PCDH15: variants seen among roughly 807,000 people sequenced by gnomAD.
PCDH15 encodes the protein protocadherin related 15, also known as protocadherin-15.
Under a neutral mutation model 178.5 loss-of-function variants are expected in PCDH15, and 129 were observed. That is an observed-to-expected ratio of 0.72 (90% CI 0.63 to 0.84). The LOEUF (loss-of-function observed/expected upper bound fraction) is 0.84, where lower values mean the gene tolerates loss of function less well. Among genes scored for constraint, PCDH15 ranks in the 40% least tolerant of loss-of-function variants. The pLI is 0.00. For synonymous variants in PCDH15, 800 were observed against 732.0 expected (o/e 1.09, Z -1.50); for missense variants, 2,230 against 2,099.9 (o/e 1.06, Z -1.21).
intron 26 of PCDH15, among the ~76,000 whole-genome samples, chr10:53,881,952 A>C (rs1009754905): frequency 1.3e-5 from 2 of 151,382 alleles, no homozygotes; most frequent in Non-Finnish European, 2.9e-5. Flanking sequence ...TTTTGAGATA[A>C]TTTGGTAAAA....
intron 8 of PCDH15, among the ~76,000 whole-genome samples, chr10:54,299,273 CAGAG>C (rs1295274779): frequency 6.7e-6 from 1 of 149,094 alleles, no homozygotes; most frequent in Non-Finnish European, 1.5e-5. Flanking sequence ...GACAGAGAGA[CAGAG>C]AGTCAAAGAA....
intron 1 of PCDH15, among the ~76,000 whole-genome samples, chr10:54,787,747 C>T (rs1351680796): frequency 6.6e-6 from 1 of 151,896 alleles, no homozygotes; most frequent in Non-Finnish European, 1.5e-5. Context: ...ATTTTGAGGA[C>T]AGATTCAACT....
intron 1 of PCDH15, among the ~76,000 whole-genome samples, chr10:55,192,755 AC>A (rs1181058525): frequency 9.8e-5 from 14 of 142,196 alleles, no homozygotes; most frequent in African/African-American, 3.5e-4. Context: ...ATATATATAT[AC>A]ATATAGATAC....
chr10:54,945,889 A>C (rs915493800), intron 2 of PCDH15, among the ~76,000 whole-genome samples: 1 of 151,790 alleles, frequency 6.6e-6, no homozygotes, highest in Admixed American at 6.6e-5. Context: ...GTTGTAACAA[A>C]ATTTGTTGTA....
At position 54,236,927 on chromosome 10, in the gene PCDH15, T is replaced by G; in HGVS notation, c.881A>C (p.Glu294Ala). Reference sequence around the variant, plus strand: ...TGGCGTAACAATAATGGGGTTCAGTTCTTCCTGAAAAAAAAATTAAGAGAG... The same window carrying G: ...TGGCGTAACAATAATGGGGTTCAGTGCTTCCTGAAAAAAAAATTAAGAGAG... ...AAIPELRTPE[E>A]LNPIIVTPPI... The change falls in exon 9 of 38, where the codon GAA (glutamate) becomes GCA (alanine). Residue 294 changes from glutamate to alanine, a missense_variant. Coordinates refer to ENST00000644397, the MANE Select transcript of PCDH15 (RefSeq NM_001384140.1). The G allele has an allele frequency of 6.2e-7, 1 of 1,612,600 alleles. No homozygotes were observed. Among genetic ancestry groups the G allele is most frequent in the Non-Finnish European group, 8.5e-7 (1 of 1,178,728 alleles).
At chr10:54,412,380 A>G (rs1953665069) in intron 3 of PCDH15, among the ~76,000 whole-genome samples, 1 of 152,026 alleles carries the variant, frequency 6.6e-6, no homozygotes, top group African/African-American at 2.4e-5. Flanking sequence ...ATGTTTCACA[A>G]AAGAAGTTGA....
chr10:53,972,309 A>G (rs186256133), intron 21 of PCDH15, among the ~76,000 whole-genome samples: 1 of 143,192 alleles, frequency 7.0e-6, no homozygotes, highest in African/African-American at 2.6e-5. Context: ...AAAGACTTAG[A>G]TGTTAGACCT....
chr10:53,831,671 G>A (rs1425183671), intron 29 of PCDH15, 138 bp from the exon 30 acceptor site: 2 of 651,864 alleles, frequency 3.1e-6, no homozygotes, highest in Non-Finnish European at 5.2e-6. Flanking sequence ...TGAATAATAA[G>A]AAAAGCATAT....
intron 2 of PCDH15, among the ~76,000 whole-genome samples, chr10:55,568,526 C>A (rs1047109194): frequency 6.6e-6 from 1 of 151,304 alleles, no homozygotes; most frequent in Non-Finnish European, 1.5e-5. Flanking sequence ...TACCAAAATA[C>A]AAAATTGGAG....
intron 2 of PCDH15, among the ~76,000 whole-genome samples, chr10:55,541,672 C>A (rs1452982828): frequency 6.6e-6 from 1 of 151,884 alleles, no homozygotes; most frequent in African/African-American, 2.4e-5. Context: ...GAACTATCCA[C>A]AGGTTTTTTC....
At chr10:54,849,481 G>A (rs1036326780) in intron 3 of PCDH15, among the ~76,000 whole-genome samples, 4 of 152,038 alleles carry the variant, frequency 2.6e-5, no homozygotes, top group Admixed American at 6.6e-5. Flanking sequence ...CTGCTAAGTC[G>A]GCACTCATCT....
At chr10:55,486,539 A>C (rs1840302407) in intron 2 of PCDH15, among the ~76,000 whole-genome samples, 2 of 151,542 alleles carry the variant, frequency 1.3e-5, no homozygotes, top group Admixed American at 1.3e-4. Flanking sequence ...TTTTTTCTGG[A>C]GACATGAATT....
At chr10:54,239,255 T>C (rs1020907294) in intron 8 of PCDH15, among the ~76,000 whole-genome samples, 1 of 151,984 alleles carries the variant, frequency 6.6e-6, no homozygotes, top group African/African-American at 2.4e-5. Flanking sequence ...AAAATATTCT[T>C]TCTATAATAT....
At chr10:54,678,454 A>AT (rs1363747272) in intron 1 of PCDH15, among the ~76,000 whole-genome samples, 3 of 152,052 alleles carry the variant, frequency 2.0e-5, no homozygotes, top group Non-Finnish European at 4.4e-5. Context: ...TCTGATTATT[A>AT]TTTTTTATTT....
At position 55,228,687 on chromosome 10, in the gene PCDH15, T is replaced by C. The variant is rs576081249; in HGVS notation, c.-155-62036A>G. Among the ~76,000 whole-genome samples the C allele has an allele frequency of 1.3e-4, 20 of 152,100 alleles. No homozygotes were observed. In the East Asian group the frequency reaches 3.7e-3, roughly 28 times the overall value. ...CCAAGGTAAATTACCCTAGCAAATA[T>C]ACATTTGACACATCACATAATATTC... On this transcript the variant is annotated intron_variant, in intron 1 of 5. Coordinates refer to the PCDH15 transcript ENST00000458638.
At chr10:54,982,527 T>C (rs1332658874) in intron 2 of PCDH15, among the ~76,000 whole-genome samples, 1 of 152,174 alleles carries the variant, frequency 6.6e-6, no homozygotes, top group African/African-American at 2.4e-5. Flanking sequence ...AAACACAATT[T>C]ACTACTCATA....
chr10:55,013,629 C>T (rs1296425628), intron 2 of PCDH15, among the ~76,000 whole-genome samples: 1 of 152,016 alleles, frequency 6.6e-6, no homozygotes, highest in Non-Finnish European at 1.5e-5. Flanking sequence ...AATGTGCTTC[C>T]TTATATACCC....
intron 18 of PCDH15, among the ~76,000 whole-genome samples, chr10:54,057,608 G>C (rs7092287): frequency 6.6e-6 from 1 of 151,860 alleles, no homozygotes; most frequent in Admixed American, 6.5e-5. Context: ...CTAGGCCTCT[G>C]GGCCTGTGAT....
At chr10:54,313,302 T>C (rs371257806) in intron 8 of PCDH15, among the ~76,000 whole-genome samples, 5 of 152,132 alleles carry the variant, frequency 3.3e-5, no homozygotes, top group African/African-American at 9.6e-5. Context: ...TGTTAGGATA[T>C]GCAATATTTA....
Sources: gnomAD v4.1 joint callset for allele counts (sites outside exome capture counted in the v4.1 genomes callset) on GRCh38, gnomAD v4.1.1 for gene constraint, MANE v1.5 for transcripts, NCBI Gene and HGNC (gene_info 2026-07-23, HGNC 2026-07-21) for gene names.